The following JMY variants were observed in gnomAD, a reference collection of about 807,000 sequenced individuals.
JMY encodes the protein junction mediating and regulatory protein, p53 cofactor, also known as junction-mediating and -regulatory protein.
A neutral mutation model predicts 103.3 loss-of-function variants in JMY; 46 were observed. That is an observed-to-expected ratio of 0.45 (90% CI 0.35 to 0.57). JMY has a LOEUF of 0.57. JMY is among the 20% of genes least tolerant of loss of function. The pLI, the probability that JMY is intolerant of heterozygous loss-of-function variation, is 0.00. For missense variants in JMY, 1,238 were observed against 1,255.2 expected (o/e 0.99, Z 0.21); for synonymous variants, 526 against 489.3 (o/e 1.07, Z -0.99).
At chr5:79,314,918 T>C in intron 9 of JMY, 67 bp downstream of exon 9, 3 of 1,414,144 alleles carry the variant, frequency 2.1e-6, no homozygotes, top group Non-Finnish European at 2.8e-6. Flanking sequence ...ACTATATTTT[T>C]TGACGTTGCA....
At chr5:79,308,960 A>C (rs1220845254) in intron 7 of JMY, among the ~76,000 whole-genome samples, 1 of 152,146 alleles carries the variant, frequency 6.6e-6, no homozygotes, top group Non-Finnish European at 1.5e-5. Flanking sequence ...GGAGGTGGTA[A>C]TATAAATAGT....
In JMY at chr5:79,236,480, C is replaced by T; in HGVS notation, c.-171C>T. 1 of 455,408 alleles carries T rather than the reference C, an allele frequency of 2.2e-6. No individual in the cohort carries two copies. Among genetic ancestry groups the T allele is most frequent in the African/African-American group, 2.1e-5 (1 of 48,758 alleles). The allele number at this position is 455,408 out of a possible 1,614,324, so 28.2% of individuals were successfully genotyped here. A position where few individuals can be genotyped will look rare whatever the true frequency, so the allele number is the denominator to read the frequency against. ...TCTCGATCCGCGCCACAAAGGAGCT[C>T]GGCGGTCGGGGCGCGGAGGGACAGG... On this transcript the variant is annotated 5_prime_UTR_variant, in exon 1 of 11. Transcript: ENST00000396137.
chr5:79,264,473 C>T (rs1359897733), intron 1 of JMY, among the ~76,000 whole-genome samples: 2 of 151,714 alleles, frequency 1.3e-5, no homozygotes, highest in African/African-American at 4.8e-5. Context: ...AAGTGATCCT[C>T]CTACCTCACT....
At chr5:79,292,392 C>T (rs996883655) in intron 4 of JMY, among the ~76,000 whole-genome samples, 2 of 152,134 alleles carry the variant, frequency 1.3e-5, no homozygotes, top group African/African-American at 4.8e-5. Context: ...TCACAACTCA[C>T]TGCAGCCCTG....
chr5:79,322,980 A>G lies in JMY; in HGVS notation c.*1378A>G, dbSNP rs1444152130. On this transcript the variant is annotated 3_prime_UTR_variant, in exon 11 of 11. Coordinates refer to ENST00000396137, the MANE Select transcript of JMY (RefSeq NM_152405.5). Reference sequence around the variant, plus strand: ...TTGGTATTCCTAGAGAAAAAAAGAAATGCTCACACCTTTGTTATTTTAAAG... The same window carrying G: ...TTGGTATTCCTAGAGAAAAAAAGAAGTGCTCACACCTTTGTTATTTTAAAG... The G allele has an allele frequency of 2.0e-5, 3 of 152,240 alleles. No homozygotes were observed. Among genetic ancestry groups the G allele is most frequent in the African/African-American group, 7.2e-5 (3 of 41,464 alleles). 9.4% of individuals were successfully genotyped at this position (152,240 alleles called of 1,614,324 possible).
chr5:79,290,362 T>TA, intron 3 of JMY, 91 bp downstream of exon 3: 1 of 860,462 alleles, frequency 1.2e-6, no homozygotes, highest in Non-Finnish European at 1.6e-6. Flanking sequence ...GAAAAGTATA[T>TA]AAAGATCACT....
rs767620283 is a variant in JMY, at chr5:79,314,695, G to A, written c.2503G>A (p.Glu835Lys). Residue 835 changes from glutamate (E) to lysine (K), a missense_variant, in exon 9 of 11, where the codon GAG becomes AAG. Glu to Lys is a moderately conservative substitution (Grantham distance 56). Transcript: ENST00000396137. The part of the protein sequence containing the change: ...PLPVAKDSGP[E>K]TLEKDLPRKE... ...GCCTGTTGCTAAGGACAGTGGCCCA[G>A]AGACACTGGAGAAAGATCTGCCTAG... The A allele has an allele frequency of 1.1e-5, 15 of 1,360,752 alleles. No individual in the cohort carries two copies. Among genetic ancestry groups the A allele is most frequent in the Non-Finnish European group, 1.3e-5 (13 of 1,031,726 alleles). 84.3% of individuals were successfully genotyped at this position (1,360,752 alleles called of 1,614,324 possible). A position where few individuals can be genotyped will look rare whatever the true frequency, so the allele number is the denominator to read the frequency against.
rs1747209131 is a variant in JMY at position 79,316,108 on chromosome 5, A to C, written c.2768A>C (p.Asn923Thr). ...CCTTTTCCTGATGAAGATGATAGTA[A>C]TAATATCTTGGCACAAATAAGGAAA... ...LPPFPDEDDSNNILAQIRKGV... is the reference protein window; with the variant it reads ...LPPFPDEDDSTNILAQIRKGV... The change falls in exon 10 of 11, where the codon AAT becomes ACT. Residue 923 changes from asparagine to threonine, a missense_variant. By Grantham distance (65) the Asn-to-Thr change is moderately conservative. Transcript: ENST00000396137. 1 of 1,613,954 alleles carries C rather than the reference A, an allele frequency of 6.2e-7. No homozygotes were observed. The highest frequency in any genetic ancestry group is 8.5e-7 in the Non-Finnish European group (1 of 1,179,778).
At chr5:79,298,173 A>G (rs1580362944) in intron 4 of JMY, among the ~76,000 whole-genome samples, 1 of 152,314 alleles carries the variant, frequency 6.6e-6, no homozygotes, top group African/African-American at 2.4e-5. Flanking sequence ...GGGTAGAACC[A>G]GAGTAGTGAA....
At chr5:79,265,982 A>G (rs1417188897) in intron 1 of JMY, among the ~76,000 whole-genome samples, 3 of 152,148 alleles carry the variant, frequency 2.0e-5, no homozygotes, top group Admixed American at 6.5e-5. Context: ...GGGTTTCACC[A>G]TGTTGGCCAT....
chr5:79,296,961 A>G (rs1410175197), intron 4 of JMY, among the ~76,000 whole-genome samples: 1 of 152,246 alleles, frequency 6.6e-6, no homozygotes, highest in Non-Finnish European at 1.5e-5. Flanking sequence ...TCAGCAGGGT[A>G]TGTTGTACTT....
intron 1 of JMY, among the ~76,000 whole-genome samples, chr5:79,261,542 G>A (rs942051549): frequency 6.6e-6 from 1 of 152,106 alleles, no homozygotes; most frequent in Non-Finnish European, 1.5e-5. Context: ...GGGTGAAAAA[G>A]CGAGAGGCTG....
In JMY at chr5:79,314,868, T is replaced by A; in HGVS notation, c.2659+17T>A. The A allele has an allele frequency of 6.5e-7, 1 of 1,532,976 alleles. No individual in the cohort carries two copies. The highest frequency in any genetic ancestry group is 8.8e-7 in the Non-Finnish European group (1 of 1,141,504). The allele number at this position is 1,532,976 out of a possible 1,614,324, so 95.0% of individuals were successfully genotyped here. ...GGAGGAGAGGTACGTCAACATATTT[T>A]CATGGTCCATCTGTTGTATGACATC... On this transcript the variant is annotated intron_variant, in intron 9 of 10. Transcript: ENST00000396137.
chr5:79,244,103 C>T (rs1188966790), intron 1 of JMY, among the ~76,000 whole-genome samples: 3 of 151,506 alleles, frequency 2.0e-5, no homozygotes, highest in Admixed American at 6.6e-5. Context: ...CGGCTTCTAG[C>T]GATTCTCCTG....
chr5:79,291,908 C>T (rs1327938966), intron 4 of JMY, among the ~76,000 whole-genome samples: 1 of 152,176 alleles, frequency 6.6e-6, no homozygotes, highest in African/African-American at 2.4e-5. Context: ...AAGAACAAAT[C>T]ATCATCTCTG....
intron 1 of JMY, among the ~76,000 whole-genome samples, chr5:79,255,464 A>T (rs1315349985): frequency 6.6e-6 from 1 of 152,104 alleles, no homozygotes; most frequent in African/African-American, 2.4e-5. Context: ...TAGTGATGTC[A>T]TGTTTTCCTA....
At chr5:79,238,657 T>TC in intron 1 of JMY, among the ~76,000 whole-genome samples, 1 of 149,830 alleles carries the variant, frequency 6.7e-6, no homozygotes, top group East Asian at 2.0e-4. Context: ...TCTTTTTTTT[T>TC]TTTTTTTTTG....
At chr5:79,303,835 A>C (rs1173196091) in intron 6 of JMY, among the ~76,000 whole-genome samples, 1 of 152,054 alleles carries the variant, frequency 6.6e-6, no homozygotes, top group African/African-American at 2.4e-5. Flanking sequence ...GTTTCGAGAA[A>C]AGTTGTGGGC....
chr5:79,267,049 T>TAG (rs1745605884), intron 1 of JMY, among the ~76,000 whole-genome samples: 1 of 152,184 alleles, frequency 6.6e-6, no homozygotes, highest in Admixed American at 6.5e-5. Flanking sequence ...TACAGAAAAA[T>TAG]TGAGCAGATA....
Sources: allele counts gnomAD v4.1 joint callset (sites outside exome capture counted in the v4.1 genomes callset), GRCh38; gene constraint gnomAD v4.1.1; transcripts MANE v1.5; gene names NCBI Gene and HGNC (gene_info 2026-07-23, HGNC 2026-07-21).